TEAD1: variants seen among roughly 807,000 people sequenced by gnomAD.
TEAD1 encodes TEA domain transcription factor 1.
TEAD1 carries 9 observed loss-of-function variants against 54.9 expected under a neutral mutation model. The ratio of observed to expected loss-of-function variants is 0.16; its 90% CI spans 0.10 to 0.29. The LOEUF (loss-of-function observed/expected upper bound fraction) is 0.29. Among genes scored for constraint, TEAD1 ranks in the 10% least tolerant of loss-of-function variants. The pLI, the probability that TEAD1 is intolerant of heterozygous loss-of-function variation, is 1.00. For synonymous variants in TEAD1, 200 were observed against 187.8 expected, an observed-to-expected ratio of 1.07 and a Z score of -0.53; for missense variants, 387 against 535.9, an observed-to-expected ratio of 0.72 and a Z score of 2.74.
intron 6 of TEAD1, among the ~76,000 whole-genome samples, chr11:12,880,073 G>GA (rs1375107713): frequency 6.6e-6 from 1 of 151,776 alleles, no homozygotes; most frequent in Non-Finnish European, 1.5e-5. Context: ...AGGAAGAAAA[G>GA]AAAAAAGGAA....
At position 12,748,342 on chromosome 11, in the gene TEAD1, T is replaced by C. The variant is rs565949123; in HGVS notation, c.-54-15837T>C. On this transcript the variant is annotated intron_variant, in intron 2 of 12. Transcript: ENST00000527636. ...TGAGTTCCAACAATCTGTCAGGTAT[T>C]GGGAGAGCCCCAGGCACCTGAAGGA... Among the ~76,000 whole-genome samples the C allele has an allele frequency of 1.6e-3, 238 of 152,316 alleles. 10 individuals are homozygous for C. The South Asian group carries it at 0.046, about 30-fold the overall frequency.
At chr11:12,931,699 T>C (rs191404844) in intron 12 of TEAD1, among the ~76,000 whole-genome samples, 235 of 152,340 alleles carry the variant, frequency 1.5e-3, no homozygotes, top group African/African-American at 5.4e-3. Context: ...TACCGATAGC[T>C]ATTCAGCTAA....
chr11:12,810,588 G>T (rs1276702281), intron 3 of TEAD1, among the ~76,000 whole-genome samples: 1 of 152,304 alleles, frequency 6.6e-6, no homozygotes, highest in African/African-American at 2.4e-5. Context: ...TTAGACTCGA[G>T]ATTGCTAGTG....
intron 3 of TEAD1, among the ~76,000 whole-genome samples, chr11:12,790,892 A>C (rs1992337): frequency 0.94 from 142,776 of 152,260 alleles, 67,633 homozygotes; most frequent in East Asian, 1. Context: ...AAATGGGAAG[A>C]CTTATGCATT....
At chr11:12,756,777 T>C (rs1287758992) in intron 2 of TEAD1, among the ~76,000 whole-genome samples, 1 of 152,216 alleles carries the variant, frequency 6.6e-6, no homozygotes, top group Non-Finnish European at 1.5e-5. Flanking sequence ...GGACAACTTA[T>C]TTAGGTCTCT....
chr11:12,934,139 A>C (rs756504757), intron 12 of TEAD1, among the ~76,000 whole-genome samples: 3 of 152,240 alleles, frequency 2.0e-5, no homozygotes, highest in African/African-American at 7.2e-5. Flanking sequence ...AACCAACCCA[A>C]ATGTCCAACA....
At chr11:12,903,156 G>C (rs1948453785) in intron 10 of TEAD1, among the ~76,000 whole-genome samples, 1 of 152,118 alleles carries the variant, frequency 6.6e-6, no homozygotes, top group Admixed American at 6.5e-5. Flanking sequence ...GTTTTAGGTG[G>C]AATTTGCCTC....
At chr11:12,924,841 G>T in intron 10 of TEAD1, 71 bp from the exon 11 acceptor site, 13 of 1,593,566 alleles carry the variant, frequency 8.2e-6, no homozygotes, top group South Asian at 1.1e-5. Context: ...GTCTTACCCT[G>T]AAAGTTACTG....
chr11:12,737,582 T>C (rs1376595866), intron 2 of TEAD1, among the ~76,000 whole-genome samples: 1 of 152,180 alleles, frequency 6.6e-6, no homozygotes, highest in Non-Finnish European at 1.5e-5. Flanking sequence ...TGGCAGTCTT[T>C]TGTGCTTTTC....
At chr11:12,710,786 A>G (rs1468333420) in intron 2 of TEAD1, among the ~76,000 whole-genome samples, 1 of 151,952 alleles carries the variant, frequency 6.6e-6, no homozygotes, top group Non-Finnish European at 1.5e-5. Flanking sequence ...AGAGGAGGAT[A>G]ATGGCAGGTG....
intron 2 of TEAD1, among the ~76,000 whole-genome samples, chr11:12,762,555 T>A (rs554282730): frequency 2.6e-5 from 4 of 152,196 alleles, no homozygotes; most frequent in Non-Finnish European, 5.9e-5. Flanking sequence ...GTAAATATTT[T>A]GCTGACAAGT....
chr11:12,819,270 C>G (rs927014967), intron 3 of TEAD1, among the ~76,000 whole-genome samples: 1 of 81,152 alleles, frequency 1.2e-5, no homozygotes, highest in East Asian at 3.9e-4. Flanking sequence ...GGTGCTTGTG[C>G]AGAGGTGATT....
At chr11:12,851,882 AC>A (rs1947282160) in intron 3 of TEAD1, among the ~76,000 whole-genome samples, 1 of 152,186 alleles carries the variant, frequency 6.6e-6, no homozygotes, top group Admixed American at 6.5e-5. Flanking sequence ...CAGGTGCTTT[AC>A]CATGGAGCAG....
chr11:12,701,920 G>A (rs1465738038), intron 2 of TEAD1, among the ~76,000 whole-genome samples: 1 of 152,162 alleles, frequency 6.6e-6, no homozygotes. Context: ...AGAGTGGCAG[G>A]ATTATGCAGG....
intron 10 of TEAD1, among the ~76,000 whole-genome samples, chr11:12,911,306 C>T (rs1948613402): frequency 6.6e-6 from 1 of 152,148 alleles, no homozygotes; most frequent in East Asian, 1.9e-4. Flanking sequence ...AGAACAGACC[C>T]CACCCCCATT....
intron 2 of TEAD1, among the ~76,000 whole-genome samples, chr11:12,735,388 T>A (rs1944509209): frequency 6.6e-6 from 1 of 152,190 alleles, no homozygotes; most frequent in African/African-American, 2.4e-5. Flanking sequence ...AAAAGAAATC[T>A]TATCCCACTG....
At chr11:12,703,604 GTTC>G (rs1342505606) in intron 2 of TEAD1, among the ~76,000 whole-genome samples, 1 of 152,102 alleles carries the variant, frequency 6.6e-6, no homozygotes, top group African/African-American at 2.4e-5. Context: ...CTTCGTTGTT[GTTC>G]TTCTTCCTCC....
chr11:12,906,211 G>A (rs1187796797), intron 10 of TEAD1, among the ~76,000 whole-genome samples: 1 of 152,016 alleles, frequency 6.6e-6, no homozygotes, highest in East Asian at 1.9e-4. Context: ...GCCTTATTGA[G>A]GTATAATTTA....
rs565658896 is a variant in TEAD1, at chr11:12,676,353, C to CCACT, written c.-55+793_-55+796dup. Among the ~76,000 whole-genome samples the CCACT allele has an allele frequency of 7.7e-4, 117 of 152,282 alleles. No individual in the cohort carries two copies. The Middle Eastern group carries it at 0.017, about 22-fold the overall frequency. On this transcript the variant is annotated intron_variant, in intron 2 of 12. Coordinates refer to ENST00000527636, the MANE Select transcript of TEAD1 (RefSeq NM_021961.6). ...ATCCCTCCCTTCAGGGAGATGTGATCCACTGTGTAGTCACAGCCGGGAGTG... is the reference window on the plus strand; with the variant it reads ...ATCCCTCCCTTCAGGGAGATGTGATCCACTCACTGTGTAGTCACAGCCGGGAGTG...
Sources: gnomAD v4.1 joint callset for allele counts (sites outside exome capture counted in the v4.1 genomes callset) on GRCh38, gnomAD v4.1.1 for gene constraint, MANE v1.5 for transcripts, NCBI Gene and HGNC (gene_info 2026-07-23, HGNC 2026-07-21) for gene names.